Variants in ZFPM1 observed in about 807,000 individuals in gnomAD.
ZFPM1 encodes the protein zinc finger protein ZFPM1.
Under a neutral mutation model 46.3 loss-of-function variants are expected in ZFPM1, and 28 were observed. The ratio of observed to expected loss-of-function variants is 0.60; its 90% CI spans 0.45 to 0.83. The LOEUF is 0.83. Among genes scored for constraint, ZFPM1 ranks in the 40% least tolerant of loss-of-function variants. ZFPM1 has a pLI of 0.00. For missense variants in ZFPM1, 1,878 were observed against 1,432.4 expected, an observed-to-expected ratio of 1.31 and a Z score of -5.02; for synonymous variants, 957 against 675.9, an observed-to-expected ratio of 1.42 and a Z score of -6.45.
chr16:88,460,175 C>G (rs899523746), intron 1 of ZFPM1, among the ~76,000 whole-genome samples: 1 of 152,172 alleles, frequency 6.6e-6, no homozygotes, highest in African/African-American at 2.4e-5. Context: ...CCTCCCCACC[C>G]GGCTCTGGGA....
At position 88,533,352 on chromosome 16, in the gene ZFPM1, A is replaced by C. The variant is rs1400298968; in HGVS notation, c.1394A>C (p.Glu465Ala). Residue 465 changes from glutamate (E) to alanine (A), a missense_variant, in exon 10 of 10, where the codon GAG becomes GCG. Glu to Ala is a moderately radical substitution (Grantham distance 107). Transcript: ENST00000319555. ...PPAAPRSIKV[E>A]AVEEPEAAPI... ...GCGGCCCCCAGGAGCATCAAGGTGG[A>C]GGCGGTGGAGGAGCCGGAGGCGGCC... is the stretch of plus-strand genomic sequence containing the variant. The C allele has an allele frequency of 6.5e-7, 1 of 1,532,376 alleles. No homozygotes were observed. The highest frequency in any genetic ancestry group is 8.7e-7 in the Non-Finnish European group (1 of 1,144,458). 94.9% of individuals were successfully genotyped at this position (1,532,376 alleles called of 1,614,324 possible).
chr16:88,488,954 A>T (rs1295599914), intron 2 of ZFPM1, 77 bp from the exon 3 acceptor site: 3 of 1,539,376 alleles, frequency 1.9e-6, no homozygotes, highest in Non-Finnish European at 2.6e-6. Context: ...GCGCCTCAGC[A>T]TCCTTCCCAG....
rs77607862 is a variant in ZFPM1, at chr16:88,497,088, G to A, written c.268+7935G>A. ...CTCTCCCAGGACCACTATGGACAAG[G>A]TGAATTCCAGCTGATCACACAAGTC... On this transcript the variant is annotated intron_variant, in intron 3 of 9. Transcript: ENST00000319555. This position sits in a 1 kb window ranked among gnomAD's most constrained non-coding sequence, Gnocchi z 5.4. Among the ~76,000 whole-genome samples the A allele has an allele frequency of 0.012, 1,765 of 152,342 alleles. 43 individuals carry two copies. The highest frequency in any genetic ancestry group is 0.041 in the African/African-American group (1,696 of 41,566).
intron 3 of ZFPM1, chr16:88,489,471 G>A (rs34319485): frequency 0.25 from 75,375 of 301,360 alleles, 10,602 homozygotes; most frequent in East Asian, 0.3. Context: ...GGCAGGAAAG[G>A]CAGGGAGGTG....
chr16:88,502,947 G>A (rs74035511), intron 3 of ZFPM1, among the ~76,000 whole-genome samples: 10,989 of 152,288 alleles, frequency 0.072, 447 homozygotes, highest in South Asian at 0.11. Context: ...ACCCCCACCC[G>A]CCTTTAGCTG....
rs767562045 is a variant in ZFPM1, at chr16:88,534,391, G to A, written c.2433G>A (p.Pro811=). ...GCCCGCTCCCCGGAGCCCCGGCACC[G>A]GCGCTGGCCGACTACCACGAGTGCA... ...PRRPLPGAPA[P]ALADYHECTA... The change falls in exon 10 of 10, where the codon CCG becomes CCA. Residue 811 remains proline, a synonymous_variant. Transcript: ENST00000319555. The A allele has an allele frequency of 2.0e-6, 3 of 1,466,504 alleles. No individual in the cohort carries two copies. The highest frequency in any genetic ancestry group is 2.7e-6 in the Non-Finnish European group (3 of 1,114,846). 90.8% of individuals were successfully genotyped at this position (1,466,504 alleles called of 1,614,324 possible).
upstream of ZFPM1, among the ~76,000 whole-genome samples, chr16:88,451,838 G>A (rs1207631852): frequency 1.3e-5 from 2 of 152,054 alleles, no homozygotes; most frequent in Non-Finnish European, 2.9e-5. Flanking sequence ...TGGTCTCAGT[G>A]TTCCTGTCTG....
intron 3 of ZFPM1, among the ~76,000 whole-genome samples, chr16:88,496,212 C>G (rs531042471): frequency 7.2e-5 from 11 of 152,138 alleles, no homozygotes; most frequent in Non-Finnish European, 1.3e-4. Context: ...GAAGGGTTTT[C>G]CATGAGGAGG....
At chr16:88,482,576 G>T (rs1908998059) in intron 1 of ZFPM1, among the ~76,000 whole-genome samples, 1 of 152,154 alleles carries the variant, frequency 6.6e-6, no homozygotes. Flanking sequence ...CCTGGGTGGG[G>T]TATGGAGAGC....
Position 88,497,793 on chromosome 16 carries a change from G to A in ZFPM1, c.268+8640G>A, listed in dbSNP as rs1266398186. ...CCCGACAGGGCCCGCCCGAGGCTGG[G>A]AATCCTCACCCGAGTGTGTGAGGGC... On this transcript the variant is annotated intron_variant, in intron 3 of 9. Coordinates refer to ENST00000319555, the MANE Select transcript of ZFPM1 (RefSeq NM_153813.3). This position sits in a 1 kb window ranked among gnomAD's most constrained non-coding sequence, Gnocchi z 5.4. Among the ~76,000 whole-genome samples the A allele has an allele frequency of 3.3e-5, 5 of 152,200 alleles. No individual in the cohort carries two copies. Among genetic ancestry groups the A allele is most frequent in the Non-Finnish European group, 7.3e-5 (5 of 68,028 alleles).
rs1472689116 is a variant in ZFPM1 at position 88,533,943 on chromosome 16, G to A, written c.1985G>A (p.Gly662Asp). 7.8e-6 allele frequency: 10 copies of A among 1,275,550 alleles called. No individual in the cohort carries two copies. In the Admixed American group the frequency reaches 8.5e-5, roughly 11 times the overall value. 79.0% of individuals were successfully genotyped at this position (1,275,550 alleles called of 1,614,324 possible). A position where few individuals can be genotyped will look rare whatever the true frequency, so the allele number is the denominator to read the frequency against. Residue 662 changes from glycine (G) to aspartate (D), a missense_variant, in exon 10 of 10, where the codon GGC becomes GAC. By Grantham distance (94) the Gly-to-Asp change is moderately conservative. Coordinates refer to ENST00000319555, the MANE Select transcript of ZFPM1 (RefSeq NM_153813.3). Reference sequence around the variant, plus strand: ...CCCGAGGACGGCGCGGGCGGCCGGGGCAGCGAGGGCAGCCAGAGCCCGGGT... The same window carrying A: ...CCCGAGGACGGCGCGGGCGGCCGGGACAGCGAGGGCAGCCAGAGCCCGGGT... ...ATPEDGAGGR[G>D]SEGSQSPGSS...
intron 2 of ZFPM1, among the ~76,000 whole-genome samples, chr16:88,487,659 T>A (rs1285594527): frequency 6.6e-6 from 1 of 152,090 alleles, no homozygotes; most frequent in African/African-American, 2.4e-5. Context: ...CATTTCCCAG[T>A]CTGAGTGTCA....
intron 1 of ZFPM1, among the ~76,000 whole-genome samples, chr16:88,456,366 A>C (rs1385950429): frequency 6.6e-6 from 1 of 151,976 alleles, no homozygotes; most frequent in African/African-American, 2.4e-5. Context: ...CCTAGCAAGA[A>C]CCAAGTGTAC....
At chr16:88,488,886 G>A (rs1439583028) in intron 2 of ZFPM1, 145 bp from the exon 3 acceptor site, 3 of 1,255,936 alleles carry the variant, frequency 2.4e-6, no homozygotes, top group Admixed American at 2.5e-5. Context: ...CCACCCCAGT[G>A]AGAGCGCACC....
chr16:88,490,259 A>G (rs1258371105), intron 3 of ZFPM1, among the ~76,000 whole-genome samples: 2 of 152,056 alleles, frequency 1.3e-5, no homozygotes, highest in Non-Finnish European at 2.9e-5. Context: ...TCACCGTGTT[A>G]GCCAGGATGG....
chr16:88,466,776 G>A (rs892993521), intron 1 of ZFPM1, among the ~76,000 whole-genome samples: 1 of 152,160 alleles, frequency 6.6e-6, no homozygotes, highest in Non-Finnish European at 1.5e-5. Flanking sequence ...ATGTGGGGGA[G>A]GGGGGTAAAT....
At chr16:88,509,089 G>A (rs1366140177) in intron 3 of ZFPM1, among the ~76,000 whole-genome samples, 1 of 152,208 alleles carries the variant, frequency 6.6e-6, no homozygotes, top group Non-Finnish European at 1.5e-5. Context: ...TGTACAGGAT[G>A]TGTTGGAAGC....
chr16:88,474,160 GCTTTCTCAGGCCCCGGCT>G (rs1597235050), intron 1 of ZFPM1, among the ~76,000 whole-genome samples: 1 of 152,212 alleles, frequency 6.6e-6, no homozygotes, highest in Non-Finnish European at 1.5e-5. Context: ...GCCGGGCTGG[GCTTTCTCAGGCCCCGGCT>G]CTTTCTTCCC....
intron 3 of ZFPM1, among the ~76,000 whole-genome samples, chr16:88,499,417 A>G (rs928390306): frequency 6.6e-6 from 1 of 152,190 alleles, no homozygotes; most frequent in East Asian, 1.9e-4. Flanking sequence ...GGGGCCGCGC[A>G]GCGGGTGGGA....
Sources: allele counts gnomAD v4.1 joint callset (sites outside exome capture counted in the v4.1 genomes callset), GRCh38; gene constraint gnomAD v4.1.1; non-coding constraint Gnocchi (gnomAD v3.1); transcripts MANE v1.5; gene names NCBI Gene and HGNC (gene_info 2026-07-23, HGNC 2026-07-21).